Variants in MAGI2 observed in about 807,000 individuals in gnomAD.
The protein encoded by MAGI2 is membrane associated guanylate kinase, WW and PDZ domain containing 2.
In MAGI2, 35 loss-of-function variants were observed where a neutral mutation model predicts 133.3. The observed-to-expected ratio is 0.26, with a 90% CI of 0.20 to 0.35. The LOEUF is 0.35. MAGI2 is among the 10% of genes least tolerant of loss of function. MAGI2 has a pLI of 1.00. For synonymous variants in MAGI2, 729 were observed against 710.6 expected (o/e 1.03, Z -0.41); for missense variants, 1,636 against 1,863.4 (o/e 0.88, Z 2.25).
intron 1 of MAGI2, among the ~76,000 whole-genome samples, chr7:79,182,287 T>A (rs191759246): frequency 6.6e-6 from 1 of 151,984 alleles, no homozygotes; most frequent in Non-Finnish European, 1.5e-5. Flanking sequence ...TTCCACATAA[T>A]TGGGGAGGCC....
chr7:79,237,695 G>A (rs989460427), intron 1 of MAGI2, among the ~76,000 whole-genome samples: 3 of 152,004 alleles, frequency 2.0e-5, no homozygotes, highest in Admixed American at 6.5e-5. Flanking sequence ...CTCACTTAAC[G>A]TGAGCATTTT....
chr7:79,344,844 T>C lies in MAGI2; in HGVS notation c.301+108176A>G, dbSNP rs555198301. Among the ~76,000 whole-genome samples the C allele has an allele frequency of 2.2e-4, 33 of 152,082 alleles. No homozygotes were observed. The South Asian group carries it at 6.9e-3, about 32-fold the overall frequency. On this transcript the variant is annotated intron_variant, in intron 1 of 21. Transcript: ENST00000354212. Reference sequence around the variant, plus strand: ...ATACGCTAGAGAATTGGGGTTAGGGTAAGAGTTGATATTAGGGGAGTCAGT... The same window carrying C: ...ATACGCTAGAGAATTGGGGTTAGGGCAAGAGTTGATATTAGGGGAGTCAGT...
chr7:79,324,283 C>T (rs1839422907), intron 1 of MAGI2, among the ~76,000 whole-genome samples: 1 of 151,124 alleles, frequency 6.6e-6, no homozygotes, highest in Non-Finnish European at 1.5e-5. Context: ...TATGTAAGGT[C>T]TGTGCCTAGC....
At chr7:79,224,693 C>T (rs541513905) in intron 1 of MAGI2, among the ~76,000 whole-genome samples, 75 of 150,938 alleles carry the variant, frequency 5.0e-4, no homozygotes, top group South Asian at 2.7e-3. Context: ...ATATGCTTTA[C>T]GCTAAGTGAA....
intron 9 of MAGI2, among the ~76,000 whole-genome samples, chr7:78,300,847 A>G (rs1275461563): frequency 6.6e-6 from 1 of 152,198 alleles, no homozygotes; most frequent in Non-Finnish European, 1.5e-5. Context: ...AAGGAATAAC[A>G]AAATTTGACT....
intron 7 of MAGI2, chr7:78,351,739 T>G (rs572678401): frequency 2.0e-5 from 3 of 152,286 alleles, no homozygotes; most frequent in Admixed American, 6.5e-5. Context: ...TATATTTTAT[T>G]CATTTTAATA....
chr7:79,042,598 A>T (rs948109304), intron 1 of MAGI2, among the ~76,000 whole-genome samples: 3 of 152,198 alleles, frequency 2.0e-5, no homozygotes, highest in Non-Finnish European at 4.4e-5. Context: ...TAAAATAGCT[A>T]TTAGAGACTT....
chr7:78,865,441 G>T (rs183035916), intron 2 of MAGI2, among the ~76,000 whole-genome samples: 84 of 152,254 alleles, frequency 5.5e-4, no homozygotes, highest in African/African-American at 1.9e-3. Flanking sequence ...AAACAAAAGG[G>T]GGTGGTTGCT....
At chr7:78,966,833 G>GTA (rs1485742832) in intron 2 of MAGI2, among the ~76,000 whole-genome samples, 54 of 113,648 alleles carry the variant, frequency 4.8e-4, no homozygotes, top group Non-Finnish European at 4.4e-4. Flanking sequence ...TTGCCTACAC[G>GTA]TCTTTTTTTT....
intron 1 of MAGI2, among the ~76,000 whole-genome samples, chr7:79,433,705 C>G (rs1847943400): frequency 6.6e-6 from 1 of 151,862 alleles, no homozygotes; most frequent in African/African-American, 2.4e-5. Context: ...AAATTGTTGC[C>G]CCTAAGTAAA....
chr7:78,976,541 A>G (rs1284369444), intron 2 of MAGI2, among the ~76,000 whole-genome samples: 2 of 151,532 alleles, frequency 1.3e-5, no homozygotes, highest in African/African-American at 2.4e-5. Flanking sequence ...GAGATTATCA[A>G]CCAGGAAAAT....
chr7:79,153,036 C>A (rs1823413608), intron 1 of MAGI2, among the ~76,000 whole-genome samples: 1 of 152,008 alleles, frequency 6.6e-6, no homozygotes, highest in East Asian at 1.9e-4. Context: ...TAAATCCAGA[C>A]AAATATAGTA....
At chr7:78,448,268 T>G (rs182084232) in intron 6 of MAGI2, among the ~76,000 whole-genome samples, 1 of 152,164 alleles carries the variant, frequency 6.6e-6, no homozygotes, top group Admixed American at 6.6e-5. Context: ...ACAAGCTGAT[T>G]TCGTTTCCTT....
chr7:79,356,440 A>G (rs1256721593), intron 1 of MAGI2, among the ~76,000 whole-genome samples: 1 of 152,176 alleles, frequency 6.6e-6, no homozygotes, highest in Non-Finnish European at 1.5e-5. Context: ...TTAAACATTA[A>G]TGAAGAAAAA....
chr7:78,424,658 G>A lies in MAGI2; in HGVS notation c.1046-55445C>T, dbSNP rs150218658. The stretch of plus-strand genomic sequence containing the variant: ...CATAGGGGTGGAGCTGCCCAAGACC[G>A]TGGGAACCCACCTCTTGTATCAGCA... On this transcript the variant is annotated intron_variant, in intron 6 of 21. Transcript: ENST00000354212. 6.4e-3 allele frequency among the ~76,000 whole-genome samples: 972 copies of A among 152,280 alleles called. 11 individuals carry two copies. Among genetic ancestry groups the A allele is most frequent in the African/African-American group, 0.022 (927 of 41,560 alleles).
intron 9 of MAGI2, among the ~76,000 whole-genome samples, chr7:78,295,834 G>C (rs1428625297): frequency 6.6e-6 from 1 of 151,998 alleles, no homozygotes; most frequent in East Asian, 1.9e-4. Context: ...CAAACTGAAC[G>C]TGCATAAAAC....
chr7:78,855,526 T>C (rs1156529865), intron 2 of MAGI2, among the ~76,000 whole-genome samples: 5 of 152,194 alleles, frequency 3.3e-5, no homozygotes, highest in South Asian at 2.1e-4. Context: ...GTCCTTGAGA[T>C]AGTTTGCTCA....
intron 3 of MAGI2, 119 bp downstream of exon 3, chr7:78,627,001 C>G: frequency 1.0e-6 from 1 of 954,296 alleles, no homozygotes; most frequent in East Asian, 3.0e-5. Context: ...CTAAACTCAT[C>G]TTATTAAAGC....
At position 78,313,760 on chromosome 7, in the gene MAGI2, TCA is replaced by T. The variant is rs1798924603; in HGVS notation, c.1408+30016_1408+30017del. Among the ~76,000 whole-genome samples, 3 of 152,126 alleles carry T rather than the reference TCA, an allele frequency of 2.0e-5. No individual in the cohort carries two copies. In the South Asian group the frequency reaches 6.2e-4, roughly 31 times the overall value. On this transcript the variant is annotated intron_variant, in intron 9 of 21. Coordinates refer to ENST00000354212, the MANE Select transcript of MAGI2 (RefSeq NM_012301.4). ...TATATCTGCTAAGCAACATTTCTTT[TCA>T]GAGACGGAAAAAAAATCATATGCTT... is the stretch of plus-strand genomic sequence containing the variant.
Sources: gnomAD v4.1 joint callset for allele counts (sites outside exome capture counted in the v4.1 genomes callset) on GRCh38, gnomAD v4.1.1 for gene constraint, MANE v1.5 for transcripts, NCBI Gene and HGNC (gene_info 2026-07-23, HGNC 2026-07-21) for gene names.